The following SEMA3D variants were observed in gnomAD, a reference collection of about 807,000 sequenced individuals.
SEMA3D encodes semaphorin 3D.
Under a neutral mutation model 100.1 loss-of-function variants are expected in SEMA3D, and 84 were observed. The ratio of observed to expected loss-of-function variants is 0.84; its 90% CI spans 0.70 to 1.01. SEMA3D has a LOEUF of 1.01. Ranked by LOEUF, SEMA3D falls within the 50% of genes least tolerant of loss-of-function variation. SEMA3D has a pLI of 0.00. For missense variants in SEMA3D, 875 were observed against 934.1 expected, an observed-to-expected ratio of 0.94 and a Z score of 0.82; for synonymous variants, 312 against 320.7, an observed-to-expected ratio of 0.97 and a Z score of 0.29.
chr7:85,185,058 G>A (rs1327229645), intron 1 of SEMA3D, among the ~76,000 whole-genome samples: 3 of 151,306 alleles, frequency 2.0e-5, no homozygotes, highest in Non-Finnish European at 4.4e-5. Flanking sequence ...TCTGGCCTCA[G>A]AGAAGAAGGA....
At chr7:85,167,624 G>T (rs984904620) in intron 1 of SEMA3D, among the ~76,000 whole-genome samples, 1 of 151,360 alleles carries the variant, frequency 6.6e-6, no homozygotes, top group Non-Finnish European at 1.5e-5. Flanking sequence ...AGAAGGAAGG[G>T]TGTATTTTCA....
At chr7:85,248,205 A>G in the SEMA3D span, among the ~76,000 whole-genome samples, 1 of 152,172 alleles carries the variant, frequency 6.6e-6, no homozygotes, top group African/African-American at 2.4e-5. Flanking sequence ...TACACAGAGC[A>G]AATAAGCTTG....
Position 84,998,126 on chromosome 7 carries a change from C to T in SEMA3D, c.*1314G>A, listed in dbSNP as rs1414867976. 1 of 151,964 alleles carries T rather than the reference C, an allele frequency of 6.6e-6. No individual in the cohort carries two copies. The highest frequency in any genetic ancestry group is 1.5e-5 in the Non-Finnish European group (1 of 67,952). 9.4% of individuals were successfully genotyped at this position (151,964 alleles called of 1,614,324 possible). On this transcript the variant is annotated 3_prime_UTR_variant, in exon 19 of 19. Coordinates refer to ENST00000284136, the MANE Select transcript of SEMA3D (RefSeq NM_001384900.1). ...GTCAAAGAGTTAATTTAACCCTTTC[C>T]GTTGTTAAAATTTTACACTCGTTCT...
At chr7:85,090,184 A>T (rs894709718) in intron 4 of SEMA3D, among the ~76,000 whole-genome samples, 3 of 152,104 alleles carry the variant, frequency 2.0e-5, no homozygotes, top group Admixed American at 6.5e-5. Flanking sequence ...TGGCATGGTG[A>T]GCGCTCAATA....
chr7:85,003,062 C>T (rs893814586), intron 18 of SEMA3D, among the ~76,000 whole-genome samples: 9 of 151,980 alleles, frequency 5.9e-5, no homozygotes, highest in Admixed American at 1.3e-4. Flanking sequence ...AAAGAAAGCT[C>T]CTTGTGTGAG....
chr7:85,223,826 A>T, the SEMA3D span, among the ~76,000 whole-genome samples: 1 of 151,942 alleles, frequency 6.6e-6, no homozygotes, highest in African/African-American at 2.4e-5. Flanking sequence ...TGCTCAGGTG[A>T]TGGGTGCATC....
intron 9 of SEMA3D, among the ~76,000 whole-genome samples, chr7:85,050,112 CACACACACAG>C (rs1223619839): frequency 4.3e-4 from 64 of 149,150 alleles, no homozygotes; most frequent in African/African-American, 1.5e-3. Context: ...CACACACACA[CACACACACAG>C]AGACAGAGTA....
intron 16 of SEMA3D, among the ~76,000 whole-genome samples, chr7:85,013,251 T>C (rs890026333): frequency 6.6e-6 from 1 of 151,764 alleles, no homozygotes; most frequent in Admixed American, 6.6e-5. Context: ...AGTCAGTGGC[T>C]AGGAACATAT....
At chr7:85,142,648 T>C (rs1790087557) in intron 2 of SEMA3D, 1 of 982,464 alleles carries the variant, frequency 1.0e-6, no homozygotes, top group South Asian at 4.7e-5. Flanking sequence ...AAAGAGATTC[T>C]TTAGAAGAAA....
chr7:85,051,247 G>A (rs1208039631), intron 9 of SEMA3D, among the ~76,000 whole-genome samples: 1 of 151,884 alleles, frequency 6.6e-6, no homozygotes, highest in African/African-American at 2.4e-5. Flanking sequence ...AGAGCAAAAT[G>A]TAAGCCTAGA....
At chr7:85,089,687 C>A (rs1317767758) in intron 4 of SEMA3D, among the ~76,000 whole-genome samples, 2 of 151,960 alleles carry the variant, frequency 1.3e-5, no homozygotes, top group Non-Finnish European at 2.9e-5. Context: ...AAGTTTGAGA[C>A]CAGACTGGGC....
the SEMA3D span, among the ~76,000 whole-genome samples, chr7:85,245,773 T>A: frequency 6.6e-6 from 1 of 152,112 alleles, no homozygotes; most frequent in African/African-American, 2.4e-5. Flanking sequence ...TTATTTCTCA[T>A]TATATCTTCT....
At position 85,100,078 on chromosome 7, in the gene SEMA3D, G is replaced by A. The variant is rs188603621; in HGVS notation, c.152-2113C>T. Among the ~76,000 whole-genome samples, 19 of 151,996 alleles carry A rather than the reference G, an allele frequency of 1.3e-4. 2 individuals carry two copies. Among genetic ancestry groups the A allele is most frequent in the African/African-American group, 4.6e-4 (19 of 41,522 alleles). ...ATATGTGCAGAAAGATGTAAAGAAA[G>A]AAACTGAATCCCAGAAAATGTACTC... On this transcript the variant is annotated intron_variant, in intron 3 of 18. Transcript: ENST00000284136.
At chr7:85,114,921 C>A (rs1053893793) in intron 3 of SEMA3D, among the ~76,000 whole-genome samples, 16 of 152,138 alleles carry the variant, frequency 1.1e-4, no homozygotes, top group African/African-American at 3.4e-4. Flanking sequence ...TATTAATAAT[C>A]ACTTTTCTAT....
At chr7:85,197,787 A>G in the SEMA3D span, among the ~76,000 whole-genome samples, 1 of 152,218 alleles carries the variant, frequency 6.6e-6, no homozygotes, top group South Asian at 2.1e-4. Flanking sequence ...AGCCCAAGAA[A>G]TATATTTCCA....
At chr7:85,062,396 T>C (rs1273032399) in intron 8 of SEMA3D, among the ~76,000 whole-genome samples, 3 of 151,822 alleles carry the variant, frequency 2.0e-5, no homozygotes. Flanking sequence ...TATAGGAAAA[T>C]GGTAACCATA....
At chr7:85,071,646 G>A (rs879635019) in intron 6 of SEMA3D, among the ~76,000 whole-genome samples, 2 of 152,146 alleles carry the variant, frequency 1.3e-5, no homozygotes, top group Non-Finnish European at 2.9e-5. Context: ...TGCACACCTA[G>A]GGTATATGGC....
intron 4 of SEMA3D, among the ~76,000 whole-genome samples, chr7:85,097,520 A>G (rs987536580): frequency 6.6e-6 from 1 of 151,864 alleles, no homozygotes; most frequent in Non-Finnish European, 1.5e-5. Context: ...TTCCATTTCT[A>G]TTATATGGCC....
intron 4 of SEMA3D, among the ~76,000 whole-genome samples, chr7:85,094,348 C>T (rs1446121680): frequency 6.6e-6 from 1 of 151,904 alleles, no homozygotes; most frequent in East Asian, 1.9e-4. Context: ...TAACTCTTAC[C>T]GTTGTGGTGA....
Sources: gnomAD v4.1 joint callset for allele counts (sites outside exome capture counted in the v4.1 genomes callset) on GRCh38, gnomAD v4.1.1 for gene constraint, MANE v1.5 for transcripts, NCBI Gene and HGNC (gene_info 2026-07-23, HGNC 2026-07-21) for gene names.